Variants in FAT3 observed in about 807,000 individuals in gnomAD.
The protein encoded by FAT3 is protocadherin Fat 3.
Under a neutral mutation model 310.2 loss-of-function variants are expected in FAT3, and 95 were observed. The ratio of observed to expected loss-of-function variants is 0.31; its 90% CI spans 0.26 to 0.36. The LOEUF is 0.36. Ranked by LOEUF, FAT3 falls within the 10% of genes least tolerant of loss-of-function variation. The pLI is 1.00. For missense variants in FAT3, 5,408 were observed against 5,715.6 expected (o/e 0.95, Z 1.74); for synonymous variants, 2,314 against 2,192.9 (o/e 1.06, Z -1.54).
chr11:92,658,601 T>G lies in FAT3; in HGVS notation c.3608-38783T>G, dbSNP rs1471029661. Among the ~76,000 whole-genome samples the G allele has an allele frequency of 2.0e-5, 3 of 152,176 alleles. No individual in the cohort carries two copies. In the East Asian group the frequency reaches 5.8e-4, roughly 29 times the overall value. ...TTTCAGAATCCAGCCCCAGCGATCT[T>G]GCCCTTTTGCCTTGCTGCCTCCCTA... On this transcript the variant is annotated intron_variant, in intron 3 of 27. Coordinates refer to ENST00000525166, the MANE Select transcript of FAT3 (RefSeq NM_001367949.2).
In FAT3 at chr11:92,550,570, G is replaced by A. The variant is rs182255504; in HGVS notation, c.3607+25622G>A. On this transcript the variant is annotated intron_variant, in intron 3 of 27. Coordinates refer to ENST00000525166, the MANE Select transcript of FAT3 (RefSeq NM_001367949.2). ...GCCAAATCCTCCTCCCTGCTGACCT[G>A]AGTAGCCTCTCTGCAGAGTCCCCTG... Among the ~76,000 whole-genome samples, 69 of 152,210 alleles carry A rather than the reference G, an allele frequency of 4.5e-4. 1 individual carries two copies. Among genetic ancestry groups the A allele is most frequent in the Middle Eastern group, 6.8e-3 (2 of 294 alleles).
chr11:92,783,400 C>T (rs1946806096), intron 7 of FAT3, among the ~76,000 whole-genome samples: 1 of 150,282 alleles, frequency 6.7e-6, no homozygotes. Flanking sequence ...CTATACTTCC[C>T]TTGTGTATTT....
At chr11:92,834,731 A>G in intron 14 of FAT3, 139 bp from the exon 15 acceptor site, 1 of 724,112 alleles carries the variant, frequency 1.4e-6, no homozygotes, top group Non-Finnish European at 2.2e-6. Flanking sequence ...TAATACTTTC[A>G]GTAAGGCATT....
chr11:92,568,211 G>T (rs1427760621), intron 3 of FAT3, among the ~76,000 whole-genome samples: 2 of 152,026 alleles, frequency 1.3e-5, no homozygotes, highest in African/African-American at 2.4e-5. Context: ...CAGAGTGGAG[G>T]CAATCACAAT....
chr11:92,631,132 T>C (rs923102347), intron 3 of FAT3, among the ~76,000 whole-genome samples: 11 of 152,178 alleles, frequency 7.2e-5, no homozygotes, highest in Admixed American at 6.5e-4. Context: ...ACTGAGAGGG[T>C]GGCTATTTTG....
At chr11:92,826,911 TCTGGTTCCTTAAGTTTAGGGATC>T (rs1419655978) in intron 13 of FAT3, among the ~76,000 whole-genome samples, 1 of 152,174 alleles carries the variant, frequency 6.6e-6, no homozygotes, top group Non-Finnish European at 1.5e-5. Flanking sequence ...CATAGCTCTT[TCTGGTTCCTTAAGTTTAGGGATC>T]CTGATCTTAG....
intron 3 of FAT3, among the ~76,000 whole-genome samples, chr11:92,556,843 A>T (rs1163711513): frequency 1.3e-5 from 2 of 152,048 alleles, no homozygotes; most frequent in East Asian, 1.9e-4. Flanking sequence ...GCCCAATTAC[A>T]ACACTCATAA....
intron 3 of FAT3, among the ~76,000 whole-genome samples, chr11:92,663,911 G>T (rs1238801585): frequency 2.0e-5 from 3 of 152,012 alleles, no homozygotes; most frequent in African/African-American, 4.8e-5. Context: ...ATCACCACTG[G>T]TTCTCTTCTA....
intron 24 of FAT3, among the ~76,000 whole-genome samples, chr11:92,886,569 A>T (rs1486902990): frequency 1.3e-5 from 2 of 152,224 alleles, no homozygotes; most frequent in Admixed American, 1.3e-4. Flanking sequence ...ATGTAAAGGC[A>T]TTCTTGCCTA....
intron 1 of FAT3, among the ~76,000 whole-genome samples, chr11:92,235,646 A>G (rs1269920186): frequency 6.6e-6 from 1 of 152,196 alleles, no homozygotes; most frequent in Non-Finnish European, 1.5e-5. Context: ...ATATTGAAAA[A>G]TATCTCTTTG....
At chr11:92,889,403 G>T (rs1300051664) in intron 26 of FAT3, among the ~76,000 whole-genome samples, 155 bp downstream of exon 26, 1 of 143,220 alleles carries the variant, frequency 7.0e-6, no homozygotes, top group Non-Finnish European at 1.6e-5. Flanking sequence ...TTAAAATTTT[G>T]AAAAAAAAAA....
At chr11:92,485,010 T>C (rs1477447355) in intron 2 of FAT3, among the ~76,000 whole-genome samples, 1 of 152,238 alleles carries the variant, frequency 6.6e-6, no homozygotes, top group East Asian at 1.9e-4. Context: ...AGTACACACT[T>C]TTTAGAAAAC....
At chr11:92,646,493 T>G (rs754433310) in intron 3 of FAT3, among the ~76,000 whole-genome samples, 3 of 152,210 alleles carry the variant, frequency 2.0e-5, no homozygotes, top group Non-Finnish European at 4.4e-5. Flanking sequence ...ATGAGAGAAG[T>G]ACAAAAGAAA....
intron 3 of FAT3, among the ~76,000 whole-genome samples, chr11:92,670,818 CTG>C (rs1943104317): frequency 6.6e-6 from 1 of 152,184 alleles, no homozygotes; most frequent in Admixed American, 6.5e-5. Flanking sequence ...TAAAAACACT[CTG>C]TGTCTAGCTG....
intron 2 of FAT3, among the ~76,000 whole-genome samples, chr11:92,455,804 A>T (rs1037185546): frequency 6.6e-6 from 1 of 152,190 alleles, no homozygotes; most frequent in Non-Finnish European, 1.5e-5. Context: ...GATGCAAACT[A>T]TTAGCCCAAT....
At chr11:92,593,589 A>T (rs1939549976) in intron 3 of FAT3, among the ~76,000 whole-genome samples, 1 of 152,048 alleles carries the variant, frequency 6.6e-6, no homozygotes, top group Admixed American at 6.6e-5. Context: ...GTCAATAATT[A>T]TCCATGGCAT....
At chr11:92,471,857 T>C (rs905754000) in intron 2 of FAT3, among the ~76,000 whole-genome samples, 31 of 148,384 alleles carry the variant, frequency 2.1e-4, no homozygotes, top group African/African-American at 7.7e-4. Context: ...CATAAATAAA[T>C]CTCAAAAAAC....
intron 2 of FAT3, among the ~76,000 whole-genome samples, chr11:92,411,148 A>ATT (rs1157598473): frequency 6.7e-5 from 4 of 59,584 alleles, no homozygotes; most frequent in Non-Finnish European, 1.8e-4. Context: ...ATATATATAA[A>ATT]TTATATATAT....
intron 3 of FAT3, among the ~76,000 whole-genome samples, chr11:92,661,109 A>G (rs189577605): frequency 1.3e-5 from 2 of 152,312 alleles, no homozygotes. Flanking sequence ...TGTATTTGGT[A>G]GTGTTGGAAA....
Sources: gnomAD v4.1 joint callset for allele counts (sites outside exome capture counted in the v4.1 genomes callset) on GRCh38, gnomAD v4.1.1 for gene constraint, MANE v1.5 for transcripts, NCBI Gene and HGNC (gene_info 2026-07-23, HGNC 2026-07-21) for gene names.